SIM2: variants seen among roughly 807,000 people sequenced by gnomAD.
The protein encoded by SIM2 is SIM bHLH transcription factor 2.
SIM2 carries 28 observed loss-of-function variants against 64.8 expected under a neutral mutation model. The ratio of observed to expected loss-of-function variants is 0.43; its 90% CI spans 0.32 to 0.59. SIM2 has a LOEUF of 0.59. Ranked by LOEUF, SIM2 falls within the 20% of genes least tolerant of loss-of-function variation. The pLI, the probability that SIM2 is intolerant of heterozygous loss-of-function variation, is 0.07. For missense variants in SIM2, 847 were observed against 871.4 expected, an observed-to-expected ratio of 0.97 and a Z score of 0.35; for synonymous variants, 408 against 391.1, an observed-to-expected ratio of 1.04 and a Z score of -0.51.
chr21:36,741,821 T>C lies in SIM2; in HGVS notation c.955T>C (p.Ser319Pro). 6.2e-7 allele frequency: 1 copy of C among 1,608,588 alleles called. No individual in the cohort carries two copies. Among genetic ancestry groups the C allele is most frequent in the Non-Finnish European group, 8.5e-7 (1 of 1,177,936 alleles). The change falls in exon 8 of 11, where the codon TCG (serine) becomes CCG (proline). Residue 319 changes from serine (S) to proline (P), a missense_variant. Ser to Pro is a moderately conservative substitution (Grantham distance 74, BLOSUM62 -1). Transcript: ENST00000290399. The stretch of plus-strand genomic sequence containing the variant: ...CGCCACCGTGGTGCACAACAGCCGC[T>C]CGTCCCGGCCCCACTGCATCGTGAG... ...SYATVVHNSR[S>P]SRPHCIVSVN...
Position 36,743,551 on chromosome 21 carries a change from C to T in SIM2, c.1163C>T (p.Pro388Leu), listed in dbSNP as rs370355073. ...KTKLRTNPYPPQQYSSFQMDK... is the reference protein window; with the variant it reads ...KTKLRTNPYPLQQYSSFQMDK... The stretch of plus-strand genomic sequence containing the variant: ...AAGCTGAGAACAAACCCTTACCCCC[C>T]ACAGGTAACACGCATGTCCTGCAGT... Residue 388 changes from proline to leucine, a missense_variant, in exon 9 of 11, where the codon CCA becomes CTA. Transcript: ENST00000290399. The T allele has an allele frequency of 6.2e-7, 1 of 1,613,136 alleles. No individual in the cohort carries two copies. Among genetic ancestry groups the T allele is most frequent in the South Asian group, 1.1e-5 (1 of 90,944 alleles).
Position 36,711,207 on chromosome 21 carries a change from A to G in SIM2, c.259-1326A>G, listed in dbSNP as rs376698323. Among the ~76,000 whole-genome samples, 12 of 152,360 alleles carry G rather than the reference A, an allele frequency of 7.9e-5. 1 individual carries two copies. The highest frequency in any genetic ancestry group is 3.9e-4 in the East Asian group (2 of 5,190). The stretch of plus-strand genomic sequence containing the variant: ...ATTTTCCTCTTTTCCTCATTATCCC[A>G]GATATGGCTGGTTGTGAGATACTTT... On this transcript the variant is annotated intron_variant, in intron 2 of 10. Transcript: ENST00000290399.
At position 36,726,344 on chromosome 21, in the gene SIM2, C is replaced by G; in HGVS notation, c.743+26C>G. ...GTGAGTTCGGCACCTGCCACAGTGG[C>G]TGTGGCCTTCTGGAAGACACCGGTG... On this transcript the variant is annotated intron_variant, in intron 6 of 10. Transcript: ENST00000290399. The surrounding 1 kb of genome is among the most constrained non-coding windows in gnomAD (Gnocchi z 4.5). 1.3e-6 allele frequency: 2 copies of G among 1,595,880 alleles called. No individual in the cohort carries two copies. Among genetic ancestry groups the G allele is most frequent in the South Asian group, 2.2e-5 (2 of 89,960 alleles).
chr21:36,719,954 AAAAC>A, intron 4 of SIM2, 25 bp downstream of exon 4: 1 of 1,445,432 alleles, frequency 6.9e-7, no homozygotes, highest in Admixed American at 1.7e-5. Context: ...GGGAAAAAAA[AAAAC>A]AGACTAAAAG....
At chr21:36,738,919 C>A (rs2089115079) in intron 7 of SIM2, among the ~76,000 whole-genome samples, 1 of 152,202 alleles carries the variant, frequency 6.6e-6, no homozygotes, top group Admixed American at 6.5e-5. Flanking sequence ...GGGAGAGACC[C>A]CTCTCCAGCC....
At chr21:36,723,688 G>T (rs2088853385) in intron 5 of SIM2, among the ~76,000 whole-genome samples, 2 of 152,224 alleles carry the variant, frequency 1.3e-5, no homozygotes. Context: ...TCAAGGACCA[G>T]AGGAGGGACG....
intron 7 of SIM2, among the ~76,000 whole-genome samples, chr21:36,737,128 T>A (rs528232647): frequency 6.6e-6 from 1 of 152,266 alleles, no homozygotes; most frequent in East Asian, 1.9e-4. Flanking sequence ...GGGGTCTTGC[T>A]ATGTTGCCCA....
At chr21:36,739,992 GAAGA>G (rs1462156448) in intron 7 of SIM2, among the ~76,000 whole-genome samples, 82 of 99,364 alleles carry the variant, frequency 8.3e-4, no homozygotes, top group African/African-American at 3.6e-3. Context: ...AGAAAGAAGA[GAAGA>G]AAGAAAGAAA....
Position 36,726,793 on chromosome 21 carries a change from C to A in SIM2, c.743+475C>A, listed in dbSNP as rs913185850. ...GTGTGAAGCCACCACAGGGCTGAGG[C>A]TGGGAGCAGAGACGCTATCTACCCT... On this transcript the variant is annotated intron_variant, in intron 6 of 10. Transcript: ENST00000290399. This position sits in a 1 kb window ranked among gnomAD's most constrained non-coding sequence, Gnocchi z 4.5. Among the ~76,000 whole-genome samples the A allele has an allele frequency of 1.3e-5, 2 of 152,090 alleles. No homozygotes were observed. The highest frequency in any genetic ancestry group is 4.8e-5 in the African/African-American group (2 of 41,398).
rs1329494479 is a variant in SIM2, at chr21:36,740,047, GAAAGAAAGAA to G, written c.851-1668_851-1659del. 5.2e-4 allele frequency among the ~76,000 whole-genome samples: 61 copies of G among 116,304 alleles called. 2 individuals carry two copies. In the East Asian group the frequency reaches 0.012, roughly 22 times the overall value. The allele number at this position is 116,304 out of a possible 152,430, so 76.3% of individuals were successfully genotyped here. A position where few individuals can be genotyped will look rare whatever the true frequency, so the allele number is the denominator to read the frequency against. On this transcript the variant is annotated intron_variant, in intron 7 of 10. Transcript: ENST00000290399. ...AGAAAGAAAGAAAGAAAGAAAGAAA[GAAAGAAAGAA>G]AGAGAAAATGCCACTCACCATAGAT...
intron 3 of SIM2, among the ~76,000 whole-genome samples, chr21:36,718,911 C>G (rs780439689): frequency 6.6e-6 from 1 of 152,192 alleles, no homozygotes; most frequent in Admixed American, 6.5e-5. Context: ...AGAGAACATT[C>G]GAAAGATTCT....
chr21:36,745,375 G>C lies in SIM2; in HGVS notation c.1576+239G>C. The C allele has an allele frequency of 3.6e-6, 5 of 1,394,680 alleles. No homozygotes were observed. The South Asian group carries it at 8.0e-5, about 22-fold the overall frequency. 86.4% of individuals were successfully genotyped at this position (1,394,680 alleles called of 1,614,324 possible). On this transcript the variant is annotated intron_variant, in intron 10 of 10. Coordinates refer to ENST00000290399, the MANE Select transcript of SIM2 (RefSeq NM_005069.6). This position sits in a 1 kb window ranked among gnomAD's most constrained non-coding sequence, Gnocchi z 4.8. The stretch of plus-strand genomic sequence containing the variant: ...ACTAGTGACAGTATAAAGGGCAAAG[G>C]AAAACCGAGTATCTGGCCTTCACGT...
chr21:36,712,808 T>C (rs2088695165), intron 3 of SIM2, among the ~76,000 whole-genome samples, 186 bp downstream of exon 3: 1 of 152,240 alleles, frequency 6.6e-6, no homozygotes. Flanking sequence ...TATTACGTTT[T>C]ACTTTTTTAC....
chr21:36,706,528 T>G (rs2088585612), intron 1 of SIM2, among the ~76,000 whole-genome samples: 1 of 152,228 alleles, frequency 6.6e-6, no homozygotes, highest in African/African-American at 2.4e-5. Flanking sequence ...ATAAAGCCCT[T>G]CCTTAGGTCC....
chr21:36,728,326 G>A (rs2088919770), intron 6 of SIM2, among the ~76,000 whole-genome samples: 1 of 152,230 alleles, frequency 6.6e-6, no homozygotes, highest in Non-Finnish European at 1.5e-5. Flanking sequence ...CAGGAAAGAA[G>A]TGGTCTCCCC....
intron 6 of SIM2, among the ~76,000 whole-genome samples, chr21:36,729,599 T>C (rs1384119375): frequency 6.6e-6 from 1 of 152,184 alleles, no homozygotes; most frequent in African/African-American, 2.4e-5. Context: ...TCTCCTATCC[T>C]AGCAAGGAGG....
rs2088962475 is a variant in SIM2, at chr21:36,731,129, C to T, written c.828C>T (p.His276=). The T allele has an allele frequency of 6.2e-7, 1 of 1,613,880 alleles. No homozygotes were observed. The highest frequency in any genetic ancestry group is 1.3e-5 in the African/African-American group (1 of 75,044). The stretch of plus-strand genomic sequence containing the variant: ...ACGTGCACGGCTGCGACGTGTTCCA[C>T]CTCCGCTACGCACACCACCTCCGTG... The part of the protein sequence containing the change: ...YHHVHGCDVF[H]LRYAHHLLLV... The change falls in exon 7 of 11, where the codon CAC becomes CAT. Residue 276 remains histidine (H), a synonymous_variant. Coordinates refer to ENST00000290399, the MANE Select transcript of SIM2 (RefSeq NM_005069.6).
intron 7 of SIM2, among the ~76,000 whole-genome samples, chr21:36,737,973 A>AAAAAAAAAAAAAAAAGC (rs1555877008): frequency 1.9e-4 from 23 of 120,332 alleles, no homozygotes; most frequent in Non-Finnish European, 4.3e-4. Context: ...AAAAAAAAAA[A>AAAAAAAAAAAAAAAAGC]AAAAAAAAAG....
At chr21:36,722,977 G>A in intron 4 of SIM2, 68 bp from the exon 5 acceptor site, 1 of 1,206,626 alleles carries the variant, frequency 8.3e-7, no homozygotes, top group Non-Finnish European at 1.2e-6. Context: ...ACACATTGGT[G>A]CGGTTGGAAT....
Sources: gnomAD v4.1 joint callset for allele counts (sites outside exome capture counted in the v4.1 genomes callset) on GRCh38, gnomAD v4.1.1 for gene constraint, Gnocchi (gnomAD v3.1) non-coding constraint, MANE v1.5 for transcripts, NCBI Gene and HGNC (gene_info 2026-07-23, HGNC 2026-07-21) for gene names.